The following CAMKK1 variants were observed in gnomAD, a reference collection of about 807,000 sequenced individuals.
CAMKK1 encodes the protein calcium/calmodulin-dependent protein kinase kinase 1.
CAMKK1 carries 20 observed loss-of-function variants against 63.5 expected under a neutral mutation model. The observed-to-expected ratio is 0.32, with a 90% CI of 0.22 to 0.46. The LOEUF (loss-of-function observed/expected upper bound fraction) is 0.46. Among genes scored for constraint, CAMKK1 ranks in the 20% least tolerant of loss-of-function variants. The probability of loss-of-function intolerance (pLI) is 1.00; values close to 1 mark genes in which losing one functional copy is unlikely to be tolerated. For synonymous variants in CAMKK1, 253 were observed against 269.0 expected (o/e 0.94, Z 0.58); for missense variants, 588 against 658.1 (o/e 0.89, Z 1.17).
At chr17:3,868,690 T>C (rs2054685552) in intron 14 of CAMKK1, among the ~76,000 whole-genome samples, 1 of 152,052 alleles carries the variant, frequency 6.6e-6, no homozygotes, top group Non-Finnish European at 1.5e-5. Context: ...TCTCGTTCTG[T>C]CAACCAGGCT....
At position 3,884,260 on chromosome 17, in the gene CAMKK1, C is replaced by A; in HGVS notation, c.408+120G>T. On this transcript the variant is annotated intron_variant, in intron 3 of 15. Coordinates refer to ENST00000348335, the MANE Select transcript of CAMKK1 (RefSeq NM_032294.3). The surrounding 1 kb of genome is among the most constrained non-coding windows in gnomAD (Gnocchi z 4.5). ...TACTTCCCACAGGGCACGAAACTGT[C>A]CTCACCTCCAGGCTAGGACTTGCCT... The A allele has an allele frequency of 9.0e-7, 1 of 1,109,880 alleles. No homozygotes were observed. The highest frequency in any genetic ancestry group is 1.4e-6 in the Non-Finnish European group (1 of 739,400). The allele number at this position is 1,109,880 out of a possible 1,614,324, so 68.8% of individuals were successfully genotyped here. A position where few individuals can be genotyped will look rare whatever the true frequency, so the allele number is the denominator to read the frequency against.
intron 1 of CAMKK1, among the ~76,000 whole-genome samples, chr17:3,891,433 G>A (rs1344746390): frequency 6.6e-6 from 1 of 152,180 alleles, no homozygotes. Flanking sequence ...AAGGCCTTTT[G>A]GGAGCAGGAC....
Position 3,862,100 on chromosome 17 carries a change from G to C in CAMKK1, c.*111C>G. The C allele has an allele frequency of 1.2e-6, 1 of 804,792 alleles. No homozygotes were observed. The highest frequency in any genetic ancestry group is 2.0e-6 in the Non-Finnish European group (1 of 494,804). The allele number at this position is 804,792 out of a possible 1,614,324, so 49.9% of individuals were successfully genotyped here. A position where few individuals can be genotyped will look rare whatever the true frequency, so the allele number is the denominator to read the frequency against. Reference sequence around the variant, plus strand: ...GCACGATGGGGGAGGGGCGGGAGTGGGGCTGCAGTCCCCAGCCCCCTGCCT... The same window carrying C: ...GCACGATGGGGGAGGGGCGGGAGTGCGGCTGCAGTCCCCAGCCCCCTGCCT... On this transcript the variant is annotated 3_prime_UTR_variant, in exon 16 of 16. Coordinates refer to ENST00000348335, the MANE Select transcript of CAMKK1 (RefSeq NM_032294.3). This position sits in a 1 kb window ranked among gnomAD's most constrained non-coding sequence, Gnocchi z 4.1.
rs931723347 is a variant in CAMKK1, at chr17:3,884,670, A to C, written c.361-243T>G. Among the ~76,000 whole-genome samples, 1 of 152,240 alleles carries C rather than the reference A, an allele frequency of 6.6e-6. No individual in the cohort carries two copies. The highest frequency in any genetic ancestry group is 1.5e-5 in the Non-Finnish European group (1 of 68,046). The stretch of plus-strand genomic sequence containing the variant: ...GCCATGGCTGTGCCTTGTTCCCCAG[A>C]AGCAGTGGTGAAGGGAAAACGCTAA... On this transcript the variant is annotated intron_variant, in intron 2 of 15. Transcript: ENST00000348335. This position sits in a 1 kb window ranked among gnomAD's most constrained non-coding sequence, Gnocchi z 4.5.
chr17:3,872,659 G>A, intron 11 of CAMKK1, 32 bp from the exon 12 acceptor site: 1 of 1,592,972 alleles, frequency 6.3e-7, no homozygotes, highest in South Asian at 1.1e-5. Flanking sequence ...AAAGGATGTG[G>A]GTCCAGGGCC....
rs1214617140 is a variant in CAMKK1 at position 3,883,221 on chromosome 17, C to T, written c.515-46G>A. 1 of 1,602,930 alleles carries T rather than the reference C, an allele frequency of 6.2e-7. No individual in the cohort carries two copies. Among genetic ancestry groups the T allele is most frequent in the Admixed American group, 1.7e-5 (1 of 59,760 alleles). On this transcript the variant is annotated intron_variant, in intron 5 of 15. Transcript: ENST00000348335. The surrounding 1 kb of genome is among the most constrained non-coding windows in gnomAD (Gnocchi z 4.7). The stretch of plus-strand genomic sequence containing the variant: ...CAAACACCTGTTCCAGGTGGCTGGG[C>T]CTCACCGTGGCCCCCAAACCAGTCT...
intron 9 of CAMKK1, 49 bp from the exon 10 acceptor site, chr17:3,876,471 C>G: frequency 6.6e-7 from 1 of 1,522,988 alleles, no homozygotes; most frequent in Non-Finnish European, 9.1e-7. Context: ...GCACCGCTGG[C>G]CAGGACCCCA....
Position 3,883,261 on chromosome 17 carries a change from G to C in CAMKK1, c.515-86C>G, listed in dbSNP as rs2055494830. ...CAAACCAGTCTCAAGCAAGAGTCTT[G>C]CATGCCCGTGGTCTTGTCCCAACCC... On this transcript the variant is annotated intron_variant, in intron 5 of 15. Transcript: ENST00000348335. The surrounding 1 kb of genome is among the most constrained non-coding windows in gnomAD (Gnocchi z 4.7). The C allele has an allele frequency of 6.4e-7, 1 of 1,568,424 alleles. No individual in the cohort carries two copies. The highest frequency in any genetic ancestry group is 8.7e-7 in the Non-Finnish European group (1 of 1,147,646).
In CAMKK1 at chr17:3,887,767, G is replaced by A. The variant is rs148376157; in HGVS notation, c.-43-2037C>T. Among the ~76,000 whole-genome samples the A allele has an allele frequency of 6.0e-3, 910 of 152,170 alleles. 12 individuals are homozygous for A. The highest frequency in any genetic ancestry group is 0.021 in the African/African-American group (855 of 41,510). On this transcript the variant is annotated intron_variant, in intron 1 of 15. Coordinates refer to ENST00000348335, the MANE Select transcript of CAMKK1 (RefSeq NM_032294.3). The surrounding 1 kb of genome is among the most constrained non-coding windows in gnomAD (Gnocchi z 6.1). ...GGACAGTGAGTGGGGCTGGAGCTTC[G>A]GGGAGAGCTTGGAAACCAGACAGCA... is the stretch of plus-strand genomic sequence containing the variant.
chr17:3,874,874 C>A (rs2055070128), intron 10 of CAMKK1, among the ~76,000 whole-genome samples: 1 of 151,674 alleles, frequency 6.6e-6, no homozygotes, highest in Admixed American at 6.6e-5. Flanking sequence ...GTAATCCCAG[C>A]ACTTTGGGAG....
chr17:3,874,735 C>T (rs1024992947), intron 10 of CAMKK1, among the ~76,000 whole-genome samples: 1 of 151,960 alleles, frequency 6.6e-6, no homozygotes, highest in Admixed American at 6.6e-5. Context: ...TCTCAAACTC[C>T]TGACCTCAGG....
In CAMKK1 at chr17:3,884,420, A is replaced by T; in HGVS notation, c.368T>A (p.Val123Glu). 6.2e-7 allele frequency: 1 copy of T among 1,613,710 alleles called. No individual in the cohort carries two copies. Among genetic ancestry groups the T allele is most frequent in the Non-Finnish European group, 8.5e-7 (1 of 1,179,816 alleles). ...CTGCAGCTTGTACTGGTTCAGCTGC[A>T]CGCAGTCCTGTGGGGGAAGAGCGAG... ...HVAISDAEDC[V>E]QLNQYKLQSE... is the part of the protein sequence containing the mutation. The change falls in exon 3 of 16, where the codon GTG (valine) becomes GAG (glutamate). Residue 123 changes from valine (V) to glutamate (E), a missense_variant. Val to Glu is a moderately radical substitution (Grantham distance 121). This residue lies in a region of CAMKK1 where 357 missense variants were observed against 407.4 expected (regional missense o/e 0.88). Transcript: ENST00000348335. The surrounding 1 kb of genome is among the most constrained non-coding windows in gnomAD (Gnocchi z 4.5).
At position 3,887,593 on chromosome 17, in the gene CAMKK1, G is replaced by A. The variant is rs772088608; in HGVS notation, c.-43-1863C>T. On this transcript the variant is annotated intron_variant, in intron 1 of 15. Transcript: ENST00000348335. The surrounding 1 kb of genome is among the most constrained non-coding windows in gnomAD (Gnocchi z 6.1). ...ACAAGGAGGCCTCCCTGGAGGAGGTGAGAGGGGACAGGGAGTGGGGCTGTG... is the reference window on the plus strand; with the variant it reads ...ACAAGGAGGCCTCCCTGGAGGAGGTAAGAGGGGACAGGGAGTGGGGCTGTG... Among the ~76,000 whole-genome samples the A allele has an allele frequency of 7.2e-4, 110 of 152,132 alleles. 1 individual carries two copies. The highest frequency in any genetic ancestry group is 5.9e-4 in the Admixed American group (9 of 15,302).
Position 3,889,580 on chromosome 17 carries a change from T to C in CAMKK1, c.-44+3359A>G, listed in dbSNP as rs1302843119. Among the ~76,000 whole-genome samples the C allele has an allele frequency of 6.6e-6, 1 of 151,996 alleles. No individual in the cohort carries two copies. The highest frequency in any genetic ancestry group is 2.4e-5 in the African/African-American group (1 of 41,350). On this transcript the variant is annotated intron_variant, in intron 1 of 15. Transcript: ENST00000348335. The surrounding 1 kb of genome is among the most constrained non-coding windows in gnomAD (Gnocchi z 5.2). ...GGGCGATGGAAGGAACAGAATGAGGTGTGGACACAGGAGTAGTTTGTGCCA... is the reference window on the plus strand; with the variant it reads ...GGGCGATGGAAGGAACAGAATGAGGCGTGGACACAGGAGTAGTTTGTGCCA...
At position 3,880,292 on chromosome 17, in the gene CAMKK1, C is replaced by T. The variant is rs757079141; in HGVS notation, c.796+54G>A. On this transcript the variant is annotated intron_variant, in intron 9 of 15. Transcript: ENST00000348335. ...AGAGTCTGCTCAGCCTGGGCTCTGC[C>T]GCCTGCCAGATCCCCTAGCCCCAGC... 16 of 1,496,552 alleles carry T rather than the reference C, an allele frequency of 1.1e-5. No individual in the cohort carries two copies. In the Middle Eastern group the frequency reaches 7.3e-4, roughly 68 times the overall value. The allele number at this position is 1,496,552 out of a possible 1,614,324, so 92.7% of individuals were successfully genotyped here. A position where few individuals can be genotyped will look rare whatever the true frequency, so the allele number is the denominator to read the frequency against.
At position 3,862,031 on chromosome 17, in the gene CAMKK1, A is replaced by G; in HGVS notation, c.*180T>C. ...CTGCCCCCAAGACCCCAAATGACAT[A>G]CATTCCAGTCTGTCCCTGGACGTGC... On this transcript the variant is annotated 3_prime_UTR_variant, in exon 16 of 16. Coordinates refer to ENST00000348335, the MANE Select transcript of CAMKK1 (RefSeq NM_032294.3). The surrounding 1 kb of genome is among the most constrained non-coding windows in gnomAD (Gnocchi z 4.1). 1.7e-6 allele frequency: 1 copy of G among 603,294 alleles called. No individual in the cohort carries two copies. Among genetic ancestry groups the G allele is most frequent in the Admixed American group, 2.9e-5 (1 of 35,046 alleles). The allele number at this position is 603,294 out of a possible 1,614,324, so 37.4% of individuals were successfully genotyped here.
rs555250723 is a variant in CAMKK1, at chr17:3,863,820, A to G, written c.1446-1537T>C. Among the ~76,000 whole-genome samples, 3 of 152,288 alleles carry G rather than the reference A, an allele frequency of 2.0e-5. No individual in the cohort carries two copies. The East Asian group carries it at 5.8e-4, about 29-fold the overall frequency. ...TCTTGTCACTCTGTTTGCCAGGTAC[A>G]AACTAGACACTAAATGTATCCTTAT... On this transcript the variant is annotated intron_variant, in intron 15 of 15. Coordinates refer to ENST00000348335, the MANE Select transcript of CAMKK1 (RefSeq NM_032294.3).
At chr17:3,886,394 G>T (rs2055653294) in intron 1 of CAMKK1, among the ~76,000 whole-genome samples, 1 of 152,198 alleles carries the variant, frequency 6.6e-6, no homozygotes, top group Non-Finnish European at 1.5e-5. Flanking sequence ...CACTTTGGGA[G>T]GCCGAGGCAG....
In CAMKK1 at chr17:3,862,237, C is replaced by T. The variant is rs199594337; in HGVS notation, c.1492G>A (p.Val498Ile). The change falls in exon 16 of 16, where the codon GTC (valine) becomes ATC (isoleucine). Residue 498 changes from valine to isoleucine, a missense_variant. Physicochemically the swap from Val to Ile is conservative, Grantham distance 29. This residue lies in a region of CAMKK1 where 226 missense variants were observed against 229.2 expected (regional missense o/e 0.99). Transcript: ENST00000348335. This position sits in a 1 kb window ranked among gnomAD's most constrained non-coding sequence, Gnocchi z 4.1. The stretch of plus-strand genomic sequence containing the variant: ...CAGGATGCAGCCTCGTCTTCCTGGA[C>T]GCCGGGGAGCTCTGGGCTCTTGCCC... ...EGGKSPELPG[V>I]QEDEAAS 2.8e-4 allele frequency: 451 copies of T among 1,590,818 alleles called. No individual in the cohort carries two copies. The highest frequency in any genetic ancestry group is 1.2e-4 in the Non-Finnish European group (137 of 1,168,064).
Sources: allele counts gnomAD v4.1 joint callset (sites outside exome capture counted in the v4.1 genomes callset), GRCh38; gene constraint gnomAD v4.1.1; regional missense constraint gnomAD v4.1.1; non-coding constraint Gnocchi (gnomAD v3.1); transcripts MANE v1.5; gene names NCBI Gene and HGNC (gene_info 2026-07-23, HGNC 2026-07-21).